The following TCERG1 variants were observed in gnomAD, a reference collection of about 807,000 sequenced individuals.
The protein encoded by TCERG1 is transcription elongation regulator 1, also known as TATA box binding protein (TBP)-associated factor, RNA polymerase II, S, 150kD.
A neutral mutation model predicts 144.7 loss-of-function variants in TCERG1; 37 were observed. The ratio of observed to expected loss-of-function variants is 0.26; its 90% CI spans 0.20 to 0.34. TCERG1 has a LOEUF of 0.34. Ranked by LOEUF, TCERG1 falls within the 10% of genes least tolerant of loss-of-function variation. The pLI is 1.00. For synonymous variants in TCERG1, 492 were observed against 458.2 expected (o/e 1.07, Z -0.94); for missense variants, 1,027 against 1,380.7 (o/e 0.74, Z 4.06).
At chr5:146,465,335 T>C (rs1048224970) in intron 5 of TCERG1, among the ~76,000 whole-genome samples, 6 of 152,192 alleles carry the variant, frequency 3.9e-5, no homozygotes, top group Non-Finnish European at 7.3e-5. Context: ...GTTGAAGTAT[T>C]TTGAAAGGCT....
At chr5:146,455,904 T>C (rs1286902245) in intron 2 of TCERG1, among the ~76,000 whole-genome samples, 1 of 152,246 alleles carries the variant, frequency 6.6e-6, no homozygotes, top group African/African-American at 2.4e-5. Context: ...ACTTACTGTC[T>C]GAGGTGAGGT....
At chr5:146,449,425 C>A (rs1428596728) in intron 1 of TCERG1, among the ~76,000 whole-genome samples, 1 of 152,176 alleles carries the variant, frequency 6.6e-6, no homozygotes, top group Non-Finnish European at 1.5e-5. Context: ...TCAACCACAT[C>A]AAATGATTAA....
At chr5:146,475,206 A>C (rs1764720806) in intron 9 of TCERG1, among the ~76,000 whole-genome samples, 1 of 152,100 alleles carries the variant, frequency 6.6e-6, no homozygotes, top group Non-Finnish European at 1.5e-5. Context: ...CCAAGTCTGG[A>C]TTTGTCCCCA....
At chr5:146,468,183 C>T (rs914607467) in intron 5 of TCERG1, among the ~76,000 whole-genome samples, 158 bp from the exon 6 acceptor site, 2 of 151,972 alleles carry the variant, frequency 1.3e-5, no homozygotes, top group Non-Finnish European at 2.9e-5. Context: ...CAGCACTTCC[C>T]ACAAAATGTC....
intron 9 of TCERG1, chr5:146,478,279 G>A (rs1239088723): frequency 1.3e-5 from 5 of 398,316 alleles, no homozygotes; most frequent in Non-Finnish European, 2.1e-5. Context: ...GCATTTCTTG[G>A]TTTTCTCAGT....
At chr5:146,454,939 T>C in intron 1 of TCERG1, 117 bp from the exon 2 acceptor site, 1 of 1,124,882 alleles carries the variant, frequency 8.9e-7, no homozygotes, top group South Asian at 1.6e-5. Flanking sequence ...AAATGATGAC[T>C]TTCCAACTCC....
At chr5:146,476,382 C>G (rs1248751737) in intron 9 of TCERG1, among the ~76,000 whole-genome samples, 4 of 152,160 alleles carry the variant, frequency 2.6e-5, no homozygotes, top group Non-Finnish European at 2.9e-5. Flanking sequence ...TCAGACATGT[C>G]ACTGAGTAAC....
At chr5:146,464,871 T>C (rs1247628289) in intron 5 of TCERG1, among the ~76,000 whole-genome samples, 3 of 152,214 alleles carry the variant, frequency 2.0e-5, no homozygotes, top group Non-Finnish European at 4.4e-5. Flanking sequence ...GCACTGGTTG[T>C]CTTTTTCTTT....
chr5:146,475,809 A>G lies in TCERG1; in HGVS notation c.1602-2684A>G, dbSNP rs538077989. On this transcript the variant is annotated intron_variant, in intron 9 of 22. Coordinates refer to ENST00000679501, the MANE Select transcript of TCERG1 (RefSeq NM_001382548.1). The stretch of plus-strand genomic sequence containing the variant: ...TGCTTATAGAGAGATACTTCCCCTT[A>G]TCACCATTGGTCACTTAGAGGTACA... Among the ~76,000 whole-genome samples, 4 of 152,318 alleles carry G rather than the reference A, an allele frequency of 2.6e-5. No homozygotes were observed. The South Asian group carries it at 8.3e-4, about 32-fold the overall frequency.
chr5:146,469,973 C>T (rs953160414), intron 7 of TCERG1, among the ~76,000 whole-genome samples: 10 of 151,972 alleles, frequency 6.6e-5, no homozygotes, highest in African/African-American at 2.2e-4. Context: ...TATGTACGTA[C>T]ATATGTATGT....
intron 16 of TCERG1, among the ~76,000 whole-genome samples, chr5:146,497,635 A>G (rs1463878610): frequency 1.2e-4 from 18 of 152,188 alleles, no homozygotes; most frequent in Non-Finnish European, 2.6e-4. Context: ...TTCATTGAAA[A>G]GTGGATATTT....
intron 22 of TCERG1, 141 bp from the exon 23 acceptor site, chr5:146,510,300 C>T: frequency 1.4e-6 from 1 of 738,112 alleles, no homozygotes; most frequent in Non-Finnish European, 2.1e-6. Context: ...AAGGTGACCA[C>T]TGCCGTGAAA....
intron 5 of TCERG1, among the ~76,000 whole-genome samples, chr5:146,465,229 A>AC (rs1266465286): frequency 6.6e-6 from 1 of 152,142 alleles, no homozygotes; most frequent in Non-Finnish European, 1.5e-5. Flanking sequence ...AGGGTTAAGG[A>AC]CAGTATTAAG....
At chr5:146,447,818 T>C (rs6884174) in intron 1 of TCERG1, among the ~76,000 whole-genome samples, 146,607 of 152,374 alleles carry the variant, frequency 0.96, 70,557 homozygotes, top group East Asian at 1. Flanking sequence ...GCAGTTACTT[T>C]CCCTGTACCC....
chr5:146,491,962 C>CCTTAT (rs398109516), intron 15 of TCERG1, among the ~76,000 whole-genome samples: 1 of 151,858 alleles, frequency 6.6e-6, no homozygotes, highest in African/African-American at 2.4e-5. Flanking sequence ...TCCCCTCAAC[C>CCTTAT]TTTAAAAAAT....
chr5:146,479,506 A>G (rs1303642584), intron 10 of TCERG1, among the ~76,000 whole-genome samples: 3 of 152,162 alleles, frequency 2.0e-5, no homozygotes, highest in African/African-American at 7.2e-5. Flanking sequence ...TTGAAACAAT[A>G]TGTGATTTTC....
intron 9 of TCERG1, among the ~76,000 whole-genome samples, chr5:146,475,386 G>A (rs1160356550): frequency 6.6e-6 from 1 of 152,062 alleles, no homozygotes; most frequent in East Asian, 1.9e-4. Flanking sequence ...TGCCCCTAGT[G>A]GACGTTTGGC....
intron 9 of TCERG1, among the ~76,000 whole-genome samples, chr5:146,477,992 C>T (rs9325011): frequency 0.14 from 21,097 of 152,058 alleles, 2,469 homozygotes; most frequent in East Asian, 0.71. Flanking sequence ...CCTGAGCCAC[C>T]GTGCTGGGCC....
chr5:146,456,197 C>T (rs1033474705), intron 2 of TCERG1, among the ~76,000 whole-genome samples: 4 of 152,166 alleles, frequency 2.6e-5, no homozygotes, highest in East Asian at 1.9e-4. Flanking sequence ...TTCCTAATAA[C>T]GAATAGCCTC....
Sources: gnomAD v4.1 joint callset for allele counts (sites outside exome capture counted in the v4.1 genomes callset) on GRCh38, gnomAD v4.1.1 for gene constraint, MANE v1.5 for transcripts, NCBI Gene and HGNC (gene_info 2026-07-23, HGNC 2026-07-21) for gene names.